The following CEP63 variants were observed in gnomAD, a reference collection of about 807,000 sequenced individuals.
The protein encoded by CEP63 is centrosomal protein of 63 kDa.
Under a neutral mutation model 89.1 loss-of-function variants are expected in CEP63, and 84 were observed. The ratio of observed to expected loss-of-function variants is 0.94; its 90% CI spans 0.79 to 1.13. CEP63 has a LOEUF of 1.13. Among genes scored for constraint, CEP63 ranks in the 50% most tolerant of loss-of-function variants. The pLI is 0.00. For synonymous variants in CEP63, 267 were observed against 272.5 expected, an observed-to-expected ratio of 0.98 and a Z score of 0.20; for missense variants, 838 against 813.3, an observed-to-expected ratio of 1.03 and a Z score of -0.37.
In CEP63 at chr3:134,561,425, G is replaced by A; in HGVS notation, c.2002G>A (p.Glu668Lys). Residue 668 changes from glutamate (E) to lysine (K), a missense_variant, in exon 15 of 15, where the codon GAA becomes AAA. Physicochemically the swap from Glu to Lys is moderately conservative, Grantham distance 56. Coordinates refer to ENST00000675561, the MANE Select transcript of CEP63 (RefSeq NM_001353108.3). ...PLGSIATRFL[E>K]EEELRSHHIL... ...TGGTTCAATAGCTACCAGATTTTTGGAAGAGGAGGAACTGAGGTCTCATCA... is the reference window on the plus strand; with the variant it reads ...TGGTTCAATAGCTACCAGATTTTTGAAAGAGGAGGAACTGAGGTCTCATCA... The A allele has an allele frequency of 6.2e-7, 1 of 1,613,968 alleles. No homozygotes were observed. Among genetic ancestry groups the A allele is most frequent in the Non-Finnish European group, 8.5e-7 (1 of 1,179,950 alleles).
chr3:134,662,437 G>C, the CEP63 span, among the ~76,000 whole-genome samples: 1 of 152,140 alleles, frequency 6.6e-6, no homozygotes, highest in East Asian at 1.9e-4. Context: ...ATGGTATTTT[G>C]TAATAGCAGC....
At chr3:134,578,876 GAC>G (rs561355936), downstream of CEP63, among the ~76,000 whole-genome samples, 1,494 of 152,306 alleles carry the variant, frequency 9.8e-3, 11 homozygotes, top group Middle Eastern at 0.024. Context: ...TCACTCTGAT[GAC>G]AGTTTCTTTT....
At chr3:134,719,659 A>G in the CEP63 span, among the ~76,000 whole-genome samples, 2 of 152,090 alleles carry the variant, frequency 1.3e-5, no homozygotes, top group African/African-American at 2.4e-5. Context: ...GCCTTAAACA[A>G]TCATTAATCT....
At chr3:134,730,205 A>G in the CEP63 span, among the ~76,000 whole-genome samples, 1 of 152,228 alleles carries the variant, frequency 6.6e-6, no homozygotes. Flanking sequence ...TATATCCCAT[A>G]TGATAATTTT....
the CEP63 span, among the ~76,000 whole-genome samples, chr3:134,726,185 G>A: frequency 3.3e-5 from 5 of 151,980 alleles, no homozygotes; most frequent in African/African-American, 9.7e-5. Context: ...ACGTTCCATG[G>A]CGAGAGAATC....
At chr3:134,695,128 C>T in the CEP63 span, among the ~76,000 whole-genome samples, 1 of 152,100 alleles carries the variant, frequency 6.6e-6, no homozygotes, top group East Asian at 1.9e-4. Context: ...CTGAGCTGTG[C>T]GGGGTAGGAG....
the CEP63 span, among the ~76,000 whole-genome samples, chr3:134,752,928 C>T: frequency 6.6e-6 from 1 of 152,164 alleles, no homozygotes; most frequent in Non-Finnish European, 1.5e-5. Flanking sequence ...CGCTTCCAGG[C>T]TCTACCACTG....
downstream of CEP63, among the ~76,000 whole-genome samples, chr3:134,590,536 A>G (rs890526232): frequency 6.6e-6 from 1 of 152,236 alleles, no homozygotes; most frequent in Non-Finnish European, 1.5e-5. Flanking sequence ...ACTAAGAGAA[A>G]GCGGGAATTT....
intron 3 of CEP63, among the ~76,000 whole-genome samples, chr3:134,529,264 A>C (rs1367791813): frequency 1.3e-5 from 2 of 151,574 alleles, no homozygotes; most frequent in Non-Finnish European, 2.9e-5. Flanking sequence ...CATTATATTC[A>C]TTCACAGTTT....
the CEP63 span, among the ~76,000 whole-genome samples, chr3:134,709,811 A>G: frequency 6.6e-6 from 1 of 152,212 alleles, no homozygotes; most frequent in Non-Finnish European, 1.5e-5. Flanking sequence ...GAGTCACTTG[A>G]CATCTTGATT....
intron 6 of CEP63, among the ~76,000 whole-genome samples, chr3:134,544,935 C>T (rs1341689709): frequency 6.6e-6 from 1 of 152,036 alleles, no homozygotes; most frequent in Non-Finnish European, 1.5e-5. Flanking sequence ...GCAACTTCCG[C>T]TTCCTGGGTT....
the CEP63 span, among the ~76,000 whole-genome samples, chr3:134,692,068 T>A: frequency 1.3e-5 from 2 of 152,102 alleles, no homozygotes; most frequent in East Asian, 3.8e-4. Flanking sequence ...ATTTCCTTTT[T>A]CTAACAGAAT....
the CEP63 span, among the ~76,000 whole-genome samples, chr3:134,780,864 C>T: frequency 6.3e-3 from 966 of 152,296 alleles, 10 homozygotes; most frequent in African/African-American, 0.021. Flanking sequence ...TTACAGCCCA[C>T]TGCATTTAGC....
At position 134,532,012 on chromosome 3, in the gene CEP63, A is replaced by G. The variant is rs546917590; in HGVS notation, c.318+72A>G. ...TTCACCCTTGAGAACTTTGTTAATG[A>G]AAGCCAGTTTCTACTTTGTAAAGTG... On this transcript the variant is annotated intron_variant, in intron 4 of 14. Transcript: ENST00000675561. 7.9e-6 allele frequency: 8 copies of G among 1,017,738 alleles called. No individual in the cohort carries two copies. In the African/African-American group the frequency reaches 9.6e-5, roughly 12 times the overall value. The allele number at this position is 1,017,738 out of a possible 1,614,324, so 63.0% of individuals were successfully genotyped here.
At chr3:134,547,626 T>TTTTTTTTTTTTTTTTTTTTTTTTTTG (rs1418480827) in intron 9 of CEP63, among the ~76,000 whole-genome samples, 154 bp downstream of exon 9, 1 of 141,864 alleles carries the variant, frequency 7.0e-6, no homozygotes. Flanking sequence ...TTTTTTTTTT[T>TTTTTTTTTTTTTTTTTTTTTTTTTTG]TTTGAGACGG....
chr3:134,714,066 C>T, the CEP63 span, among the ~76,000 whole-genome samples: 6 of 152,074 alleles, frequency 3.9e-5, no homozygotes, highest in South Asian at 2.1e-4. Context: ...TCTATGGCAG[C>T]GGGGAGAGGG....
intron 6 of CEP63, among the ~76,000 whole-genome samples, chr3:134,544,348 C>G (rs1952718836): frequency 6.6e-6 from 1 of 152,068 alleles, no homozygotes; most frequent in East Asian, 1.9e-4. Context: ...AGCTAAAACC[C>G]AATACTGCTG....
chr3:134,651,490 T>C, the CEP63 span: 4 of 1,006,282 alleles, frequency 4.0e-6, no homozygotes, highest in African/African-American at 7.0e-5. Flanking sequence ...GGGCTCCAGA[T>C]TGAATTGCAA....
chr3:134,643,008 T>A, the CEP63 span, among the ~76,000 whole-genome samples: 1 of 152,278 alleles, frequency 6.6e-6, no homozygotes, highest in South Asian at 2.1e-4. Context: ...GGCACATAGT[T>A]AGCATTCAAC....
Sources: gnomAD v4.1 joint callset for allele counts (sites outside exome capture counted in the v4.1 genomes callset) on GRCh38, gnomAD v4.1.1 for gene constraint, MANE v1.5 for transcripts, NCBI Gene and HGNC (gene_info 2026-07-23, HGNC 2026-07-21) for gene names.